GRIK2: variants seen among roughly 807,000 people sequenced by gnomAD.
The protein encoded by GRIK2 is glutamate receptor ionotropic, kainate 2.
In GRIK2, 32 loss-of-function variants were observed where a neutral mutation model predicts 100.3. That is an observed-to-expected ratio of 0.32 (90% confidence interval 0.24 to 0.43). The LOEUF (loss-of-function observed/expected upper bound fraction) is 0.43. Ranked by LOEUF, GRIK2 falls within the 20% of genes least tolerant of loss-of-function variation. GRIK2 has a pLI of 1.00. For synonymous variants in GRIK2, 417 were observed against 389.4 expected, an observed-to-expected ratio of 1.07 and a Z score of -0.83; for missense variants, 843 against 1,114.9, an observed-to-expected ratio of 0.76 and a Z score of 3.47.
chr6:101,486,587 A>G (rs1772847709), intron 2 of GRIK2, among the ~76,000 whole-genome samples: 1 of 152,186 alleles, frequency 6.6e-6, no homozygotes, highest in Non-Finnish European at 1.5e-5. Flanking sequence ...AAGGGAGACC[A>G]AATTGGAGGG....
intron 12 of GRIK2, among the ~76,000 whole-genome samples, chr6:101,915,755 G>A (rs577467695): frequency 1.1e-3 from 160 of 151,400 alleles, no homozygotes; most frequent in African/African-American, 3.6e-3. Flanking sequence ...ATTGTTTATC[G>A]TAGACACATA....
rs1240612042 is a variant in GRIK2, at chr6:101,664,765, A to G, written c.542-11858A>G. ...CCATTTCTAAAGAGAAAGAGGTTTAATGGACTCACAGATGACTGGGGAGGC... is the reference window on the plus strand; with the variant it reads ...CCATTTCTAAAGAGAAAGAGGTTTAGTGGACTCACAGATGACTGGGGAGGC... On this transcript the variant is annotated intron_variant, in intron 4 of 16. Transcript: ENST00000369134. Among the ~76,000 whole-genome samples the G allele has an allele frequency of 2.6e-5, 4 of 152,326 alleles. No homozygotes were observed. In the East Asian group the frequency reaches 5.8e-4, roughly 22 times the overall value.
At chr6:101,689,333 C>T (rs1398905069) in intron 7 of GRIK2, among the ~76,000 whole-genome samples, 2 of 152,002 alleles carry the variant, frequency 1.3e-5, no homozygotes, top group African/African-American at 4.8e-5. Flanking sequence ...TGGAGCAAGA[C>T]CTATTATTAT....
In GRIK2 at chr6:101,864,604, G is replaced by C. The variant is rs188377256; in HGVS notation, c.1524+5111G>C. ...TGCATTGCATAGGCCTTAATGTGCTGAGTGGCAAATAGGAAATACTCAAGA... is the reference window on the plus strand; with the variant it reads ...TGCATTGCATAGGCCTTAATGTGCTCAGTGGCAAATAGGAAATACTCAAGA... On this transcript the variant is annotated intron_variant, in intron 11 of 16. Coordinates refer to ENST00000369134, the MANE Select transcript of GRIK2 (RefSeq NM_021956.5). Among the ~76,000 whole-genome samples, 164 of 152,246 alleles carry C rather than the reference G, an allele frequency of 1.1e-3. 1 individual carries two copies. The highest frequency in any genetic ancestry group is 3.7e-3 in the African/African-American group (153 of 41,544).
intron 2 of GRIK2, among the ~76,000 whole-genome samples, chr6:101,529,093 A>G (rs1350102466): frequency 6.6e-6 from 1 of 152,022 alleles, no homozygotes; most frequent in African/African-American, 2.4e-5. Context: ...GTGCCTAGGA[A>G]CCCCATGCCT....
intron 4 of GRIK2, among the ~76,000 whole-genome samples, chr6:101,648,294 C>T (rs556853722): frequency 6.6e-4 from 100 of 152,084 alleles, no homozygotes; most frequent in Non-Finnish European, 1.2e-3. Context: ...GTTAAATACA[C>T]ACTAAATGCC....
chr6:101,832,897 C>T (rs1034935509), intron 10 of GRIK2, among the ~76,000 whole-genome samples: 3 of 152,094 alleles, frequency 2.0e-5, no homozygotes, highest in South Asian at 4.1e-4. Flanking sequence ...TTTGCTTCAT[C>T]TCAACTTTCC....
At chr6:101,900,906 GTTT>G (rs532866711) in intron 12 of GRIK2, among the ~76,000 whole-genome samples, 1 of 143,602 alleles carries the variant, frequency 7.0e-6, no homozygotes, top group Non-Finnish European at 1.5e-5. Context: ...GAGTGTCCTT[GTTT>G]TTTTTTTTCT....
chr6:101,699,364 G>A lies in GRIK2; in HGVS notation c.951+13011G>A, dbSNP rs117675961. 4.3e-3 allele frequency among the ~76,000 whole-genome samples: 650 copies of A among 152,164 alleles called. 2 individuals are homozygous for A. The highest frequency in any genetic ancestry group is 6.3e-3 in the Non-Finnish European group (426 of 67,994). Reference sequence around the variant, plus strand: ...GACCTGGACTCCCACTATTCCAGCTGTTTAGTTATCTGGTTCTTTATGCAA... The same window carrying A: ...GACCTGGACTCCCACTATTCCAGCTATTTAGTTATCTGGTTCTTTATGCAA... On this transcript the variant is annotated intron_variant, in intron 7 of 16. Transcript: ENST00000369134.
intron 14 of GRIK2, among the ~76,000 whole-genome samples, chr6:101,988,563 G>GACTT (rs1244950798): frequency 6.6e-6 from 1 of 151,744 alleles, no homozygotes; most frequent in Non-Finnish European, 1.5e-5. Context: ...AATGCTCTGT[G>GACTT]ACTTATCTGT....
At chr6:101,480,641 T>C (rs1420367660) in intron 2 of GRIK2, among the ~76,000 whole-genome samples, 1 of 152,118 alleles carries the variant, frequency 6.6e-6, no homozygotes, top group Non-Finnish European at 1.5e-5. Flanking sequence ...AGCTGTTAAG[T>C]ATTAAGATAG....
chr6:101,819,436 G>A (rs2128422436), intron 10 of GRIK2, among the ~76,000 whole-genome samples: 1 of 152,076 alleles, frequency 6.6e-6, no homozygotes, highest in South Asian at 2.1e-4. Flanking sequence ...TTGGGTTAAA[G>A]CCTTTTGATA....
At chr6:101,959,562 T>C (rs951066135) in intron 14 of GRIK2, among the ~76,000 whole-genome samples, 34 of 152,154 alleles carry the variant, frequency 2.2e-4, no homozygotes, top group African/African-American at 7.7e-4. Context: ...TTGTATTTTT[T>C]TGTTGTTCTC....
At position 101,826,785 on chromosome 6, in the gene GRIK2, A is replaced by T. The variant is rs9498724; in HGVS notation, c.1317+8302A>T. On this transcript the variant is annotated intron_variant, in intron 10 of 16. Transcript: ENST00000369134. ...GAAGGAATTTAATAGCATACCATTT[A>T]AAAAAAATGACGTTTTTTCTTAATA... Among the ~76,000 whole-genome samples, 632 of 137,828 alleles carry T rather than the reference A, an allele frequency of 4.6e-3. 5 individuals are homozygous for T. Among genetic ancestry groups the T allele is most frequent in the African/African-American group, 0.015 (596 of 39,148 alleles). 90.4% of individuals were successfully genotyped at this position (137,828 alleles called of 152,430 possible).
At chr6:101,937,119 C>A (rs192465898) in intron 14 of GRIK2, among the ~76,000 whole-genome samples, 2 of 152,052 alleles carry the variant, frequency 1.3e-5, no homozygotes, top group South Asian at 4.1e-4. Flanking sequence ...CAGCTTTGGG[C>A]GCTTTAACTG....
At chr6:101,879,016 A>C (rs1409782646) in intron 11 of GRIK2, among the ~76,000 whole-genome samples, 1 of 152,038 alleles carries the variant, frequency 6.6e-6, no homozygotes, top group Non-Finnish European at 1.5e-5. Context: ...TTCTCACTCA[A>C]GGACTCAGGC....
intron 12 of GRIK2, among the ~76,000 whole-genome samples, chr6:101,899,890 G>T (rs2128461119): frequency 6.6e-6 from 1 of 152,126 alleles, no homozygotes; most frequent in East Asian, 1.9e-4. Context: ...TTGGTAATGG[G>T]GGGTGCTGGG....
intron 2 of GRIK2, among the ~76,000 whole-genome samples, chr6:101,408,904 G>A (rs1775733505): frequency 6.6e-6 from 1 of 151,930 alleles, no homozygotes; most frequent in East Asian, 1.9e-4. Flanking sequence ...ATTCTGAAAG[G>A]AAATAAAGGA....
intron 3 of GRIK2, among the ~76,000 whole-genome samples, chr6:101,625,011 C>A (rs2128318081): frequency 6.6e-6 from 1 of 152,256 alleles, no homozygotes; most frequent in Admixed American, 6.5e-5. Flanking sequence ...CTCAAGCGAT[C>A]TTCCTGCATT....
Sources: allele counts gnomAD v4.1 joint callset (sites outside exome capture counted in the v4.1 genomes callset), GRCh38; gene constraint gnomAD v4.1.1; transcripts MANE v1.5; gene names NCBI Gene and HGNC (gene_info 2026-07-23, HGNC 2026-07-21).